The following FGFR2 variants were observed in gnomAD, a reference collection of about 807,000 sequenced individuals.
The protein encoded by FGFR2 is fibroblast growth factor receptor 2, also known as BEK fibroblast growth factor receptor.
A neutral mutation model predicts 95.9 loss-of-function variants in FGFR2; 19 were observed. That is an observed-to-expected ratio of 0.20 (90% confidence interval 0.14 to 0.29). The LOEUF (loss-of-function observed/expected upper bound fraction) is 0.29, where lower values mean the gene tolerates loss of function less well. Among genes scored for constraint, FGFR2 ranks in the 10% least tolerant of loss-of-function variants. The probability of loss-of-function intolerance (pLI) is 1.00; values close to 1 mark genes in which losing one functional copy is unlikely to be tolerated. For synonymous variants in FGFR2, 392 were observed against 393.3 expected (o/e 1.00, Z 0.04); for missense variants, 707 against 1,056.9 (o/e 0.67, Z 4.59).
At position 121,512,547 on chromosome 10, in the gene FGFR2, T is replaced by TTTTTGTTTTG. The variant is rs533841101; in HGVS notation, c.1287+2560_1287+2569dup. On this transcript the variant is annotated intron_variant, in intron 9 of 17. Coordinates refer to ENST00000358487, the MANE Select transcript of FGFR2 (RefSeq NM_000141.5). ...ATTTTCTTTTTTTTCCCACTTTGGG[T>TTTTTGTTTTG]TTTTGTTTTGTTTTGTTTTGTTTTG... 2.2e-3 allele frequency among the ~76,000 whole-genome samples: 336 copies of TTTTTGTTTTG among 151,864 alleles called. 1 individual carries two copies. The highest frequency in any genetic ancestry group is 7.5e-3 in the African/African-American group (310 of 41,378).
chr10:121,489,488 G>T (rs1845857213), intron 13 of FGFR2, among the ~76,000 whole-genome samples: 1 of 152,074 alleles, frequency 6.6e-6, no homozygotes, highest in Non-Finnish European at 1.5e-5. Flanking sequence ...TAGAGGAATT[G>T]TTCCATTAAG....
chr10:121,538,345 G>A (rs757525514), intron 6 of FGFR2: 10 of 785,894 alleles, frequency 1.3e-5, no homozygotes, highest in East Asian at 7.3e-5. Context: ...TTCATACCAC[G>A]TCCACTTTAC....
intron 6 of FGFR2, among the ~76,000 whole-genome samples, chr10:121,525,630 AG>A (rs1851259111): frequency 2.0e-5 from 3 of 148,676 alleles, no homozygotes; most frequent in Non-Finnish European, 4.5e-5. Context: ...TGAGGGAGAG[AG>A]AGAGAGAGAG....
chr10:121,551,542 C>A lies in FGFR2; in HGVS notation c.455-83G>T, dbSNP rs554755169. The A allele has an allele frequency of 7.8e-6, 10 of 1,279,712 alleles. No individual in the cohort carries two copies. The South Asian group carries it at 1.3e-4, about 16-fold the overall frequency. 79.3% of individuals were successfully genotyped at this position (1,279,712 alleles called of 1,614,324 possible). On this transcript the variant is annotated intron_variant, in intron 4 of 17. Transcript: ENST00000358487. ...AAACTCCAAACAGGTAAGATCATTT[C>A]GCTTTGCATGTAAATGCTAGGCTAT...
chr10:121,563,247 C>T (rs1857221612), intron 4 of FGFR2, among the ~76,000 whole-genome samples: 1 of 151,928 alleles, frequency 6.6e-6, no homozygotes, highest in South Asian at 2.1e-4. Context: ...AGTGGCAGGC[C>T]CCTGTAGTCC....
At chr10:121,596,607 T>G in intron 1 of FGFR2, 1 of 203,992 alleles carries the variant, frequency 4.9e-6, no homozygotes, top group Non-Finnish European at 1.0e-5. Flanking sequence ...GCGGGAGCTG[T>G]CAAGGGGTCA....
chr10:121,516,977 T>C (rs918457171), intron 8 of FGFR2, among the ~76,000 whole-genome samples: 6 of 152,134 alleles, frequency 3.9e-5, no homozygotes, highest in African/African-American at 1.4e-4. Context: ...GAATTTGAAA[T>C]GAGAATAAAT....
At chr10:121,555,749 C>A (rs1194551198) in intron 4 of FGFR2, among the ~76,000 whole-genome samples, 1 of 152,204 alleles carries the variant, frequency 6.6e-6, no homozygotes, top group African/African-American at 2.4e-5. Flanking sequence ...CAGCATATAG[C>A]ATACCTACTC....
chr10:121,514,764 T>A (rs571195494), intron 9 of FGFR2, among the ~76,000 whole-genome samples: 1 of 152,302 alleles, frequency 6.6e-6, no homozygotes, highest in Non-Finnish European at 1.5e-5. Context: ...AGGTATTAGA[T>A]CACAGGACAC....
At chr10:121,564,921 C>G (rs1337334855) in intron 3 of FGFR2, among the ~76,000 whole-genome samples, 1 of 152,160 alleles carries the variant, frequency 6.6e-6, no homozygotes, top group East Asian at 1.9e-4. Context: ...CCAACATTAA[C>G]CTTTCAGTAT....
At chr10:121,565,366 A>G (rs2135106038) in intron 3 of FGFR2, 72 bp downstream of exon 3, 1 of 1,592,864 alleles carries the variant, frequency 6.3e-7, no homozygotes, top group Non-Finnish European at 8.6e-7. Context: ...AGATCTCACT[A>G]CCTTTTCACT....
Position 121,479,860 on chromosome 10 carries a change from T to C in FGFR2, c.2463A>G (p.Thr821=), listed in dbSNP as rs1236755209. 5 of 1,614,048 alleles carry C rather than the reference T, an allele frequency of 3.1e-6. No individual in the cohort carries two copies. In the Admixed American group the frequency reaches 8.3e-5, roughly 27 times the overall value. Reference sequence around the variant, plus strand: ...GGGGACAGGCAGACACAGTCATTCATGTTTTAACACTGCCGTTTATGTGTG... The same window carrying C: ...GGGGACAGGCAGACACAGTCATTCACGTTTTAACACTGCCGTTTATGTGTG... ...QYPHINGSVK[T] is the part of the protein sequence containing the mutation. The change falls in exon 18 of 18, where the codon ACA becomes ACG. Residue 821 remains threonine, a synonymous_variant. Transcript: ENST00000358487.
In FGFR2 at chr10:121,487,973, T is replaced by G; in HGVS notation, c.1986+18A>C. The G allele has an allele frequency of 6.2e-7, 1 of 1,614,080 alleles. No homozygotes were observed. Among genetic ancestry groups the G allele is most frequent in the Non-Finnish European group, 8.5e-7 (1 of 1,179,968 alleles). On this transcript the variant is annotated intron_variant, in intron 14 of 17. Coordinates refer to ENST00000358487, the MANE Select transcript of FGFR2 (RefSeq NM_000141.5). ...CTCACCCCCGCCCCTGCCCACTGTG[T>G]TACTGCCATCGACTTACATTGGTGG...
intron 5 of FGFR2, among the ~76,000 whole-genome samples, chr10:121,548,378 T>C (rs1854881983): frequency 6.7e-6 from 1 of 149,860 alleles, no homozygotes; most frequent in African/African-American, 2.4e-5. Flanking sequence ...AAAATCACTT[T>C]GGTCATCTGC....
At chr10:121,590,634 C>T (rs1862490995) in intron 2 of FGFR2, among the ~76,000 whole-genome samples, 2 of 152,054 alleles carry the variant, frequency 1.3e-5, no homozygotes, top group African/African-American at 4.8e-5. Context: ...CAGAACGTGT[C>T]CAGAAGACAA....
intron 2 of FGFR2, among the ~76,000 whole-genome samples, chr10:121,578,584 G>C (rs1243451380): frequency 6.6e-6 from 1 of 152,252 alleles, no homozygotes; most frequent in Non-Finnish European, 1.5e-5. Flanking sequence ...CACGTGGTCA[G>C]TTTAAGACAG....
intron 9 of FGFR2, among the ~76,000 whole-genome samples, chr10:121,513,620 T>C (rs1037550691): frequency 6.6e-6 from 1 of 152,164 alleles, no homozygotes; most frequent in African/African-American, 2.4e-5. Flanking sequence ...TGGACTCTTC[T>C]AGAAACTGGT....
chr10:121,508,647 T>C (rs1014692919), intron 9 of FGFR2, among the ~76,000 whole-genome samples: 4 of 152,212 alleles, frequency 2.6e-5, no homozygotes, highest in Admixed American at 6.5e-5. Context: ...TTATTAGAAT[T>C]TTAAAAATGA....
At chr10:121,540,969 C>T (rs1226868180) in intron 5 of FGFR2, among the ~76,000 whole-genome samples, 3 of 152,096 alleles carry the variant, frequency 2.0e-5, no homozygotes, top group South Asian at 2.1e-4. Context: ...GCATATGCAG[C>T]TTGGCTCACT....
Sources: allele counts gnomAD v4.1 joint callset (sites outside exome capture counted in the v4.1 genomes callset), GRCh38; gene constraint gnomAD v4.1.1; transcripts MANE v1.5; gene names NCBI Gene and HGNC (gene_info 2026-07-23, HGNC 2026-07-21).